Variants in SPIRE2 observed in about 807,000 individuals in gnomAD.
The protein encoded by SPIRE2 is spire type actin nucleation factor 2.
Under a neutral mutation model 80.7 loss-of-function variants are expected in SPIRE2, and 76 were observed. That is an observed-to-expected ratio of 0.94 (90% CI 0.78 to 1.14). The LOEUF is 1.14. Among genes scored for constraint, SPIRE2 ranks in the 50% most tolerant of loss-of-function variants. SPIRE2 has a pLI of 0.00. For synonymous variants in SPIRE2, 535 were observed against 432.6 expected, an observed-to-expected ratio of 1.24 and a Z score of -2.94; for missense variants, 1,196 against 1,015.3, an observed-to-expected ratio of 1.18 and a Z score of -2.42.
At chr16:89,842,611 G>A (rs558933791) in intron 1 of SPIRE2, among the ~76,000 whole-genome samples, 10 of 152,374 alleles carry the variant, frequency 6.6e-5, no homozygotes, top group Non-Finnish European at 1.0e-4. Flanking sequence ...AGCTTCCCAT[G>A]CACTGAGGAC....
intron 1 of SPIRE2, among the ~76,000 whole-genome samples, chr16:89,840,245 C>CTTTTTTTT (rs778083127): frequency 7.5e-6 from 1 of 133,272 alleles, no homozygotes. Context: ...AACCTGTCAT[C>CTTTTTTTT]TTTTTTTTTT....
chr16:89,863,384 T>C lies in SPIRE2; in HGVS notation c.1576-92T>C, dbSNP rs1224411932. ...TAGAAGGTCGCAGGCTTGTTTAGGCTGAGGCCAGGGAGGGTTAGGGTCCTC... is the reference window on the plus strand; with the variant it reads ...TAGAAGGTCGCAGGCTTGTTTAGGCCGAGGCCAGGGAGGGTTAGGGTCCTC... On this transcript the variant is annotated intron_variant, in intron 10 of 14. Transcript: ENST00000378247. This position sits in a 1 kb window ranked among gnomAD's most constrained non-coding sequence, Gnocchi z 4.3. 4 of 1,462,454 alleles carry C rather than the reference T, an allele frequency of 2.7e-6. No homozygotes were observed. Among genetic ancestry groups the C allele is most frequent in the East Asian group, 2.3e-5 (1 of 43,038 alleles). 90.6% of individuals were successfully genotyped at this position (1,462,454 alleles called of 1,614,324 possible).
In SPIRE2 at chr16:89,850,596, G is replaced by C. The variant is rs766837449; in HGVS notation, c.581G>C (p.Arg194Pro). Residue 194 changes from arginine to proline, a missense_variant, in exon 3 of 15, where the codon CGC becomes CCC. Coordinates refer to ENST00000378247, the MANE Select transcript of SPIRE2 (RefSeq NM_032451.2). ...GAQAHYQAVCRALFVETLELR... is the reference protein window; with the variant it reads ...GAQAHYQAVCPALFVETLELR... ...CAGGCGCATTACCAGGCCGTGTGCC[G>C]CGCGCTCTTCGTGGAGACGCTGGAG... 2 of 1,519,580 alleles carry C rather than the reference G, an allele frequency of 1.3e-6. No homozygotes were observed. The highest frequency in any genetic ancestry group is 2.5e-5 in the East Asian group (1 of 40,590). 94.1% of individuals were successfully genotyped at this position (1,519,580 alleles called of 1,614,324 possible). A position where few individuals can be genotyped will look rare whatever the true frequency, so the allele number is the denominator to read the frequency against.
rs1007709535 is a variant in SPIRE2, at chr16:89,870,499, A to G, written c.*227A>G. ...CTGTTTCTTCTCAGGATTCCTTGCC[A>G]GGGAGGAAGGGGAGGGAACAGGGTG... On this transcript the variant is annotated 3_prime_UTR_variant, in exon 15 of 15. Coordinates refer to ENST00000378247, the MANE Select transcript of SPIRE2 (RefSeq NM_032451.2). 4.1e-6 allele frequency: 2 copies of G among 485,862 alleles called. No homozygotes were observed. The highest frequency in any genetic ancestry group is 3.9e-5 in the African/African-American group (2 of 51,818). The allele number at this position is 485,862 out of a possible 1,614,324, so 30.1% of individuals were successfully genotyped here.
In SPIRE2 at chr16:89,856,153, G is replaced by T. The variant is rs762516892; in HGVS notation, c.1019G>T (p.Arg340Met). 1.9e-6 allele frequency: 3 copies of T among 1,611,626 alleles called. No individual in the cohort carries two copies. Among genetic ancestry groups the T allele is most frequent in the Non-Finnish European group, 2.5e-6 (3 of 1,179,558 alleles). ...RRLRPLPPKQ[R>M]SLHEKILEEI... ...CTGCGCCCGTTGCCACCAAAGCAAA[G>T]GTCCCTGCATGAGAAGATCCTGGAG... is the stretch of plus-strand genomic sequence containing the variant. Residue 340 changes from arginine to methionine, a missense_variant, in exon 7 of 15, where the codon AGG becomes ATG. Coordinates refer to ENST00000378247, the MANE Select transcript of SPIRE2 (RefSeq NM_032451.2).
intron 12 of SPIRE2, among the ~76,000 whole-genome samples, chr16:89,865,758 G>C (rs1351159794): frequency 6.6e-6 from 1 of 151,462 alleles, no homozygotes; most frequent in Non-Finnish European, 1.5e-5. Flanking sequence ...CACGAGGTCG[G>C]GAGATCGAGA....
At chr16:89,867,832 G>T (rs151067201) in intron 12 of SPIRE2, among the ~76,000 whole-genome samples, 1 of 152,052 alleles carries the variant, frequency 6.6e-6, no homozygotes, top group Non-Finnish European at 1.5e-5. Context: ...TGATCCACTT[G>T]CCTTGGCCTC....
chr16:89,854,730 A>G, intron 5 of SPIRE2, 79 bp downstream of exon 5: 1 of 1,525,514 alleles, frequency 6.6e-7, no homozygotes, highest in Non-Finnish European at 8.9e-7. Context: ...AGCAGCCTGG[A>G]TGTTGGGCAG....
At chr16:89,831,073 C>A (rs1366875121) in intron 1 of SPIRE2, among the ~76,000 whole-genome samples, 1 of 150,500 alleles carries the variant, frequency 6.6e-6, no homozygotes, top group Non-Finnish European at 1.5e-5. Context: ...CCACGCCCGG[C>A]TAATTTTTTG....
rs760321823 is a variant in SPIRE2, at chr16:89,868,263, G to C, written c.1806+47G>C. The C allele has an allele frequency of 3.8e-6, 6 of 1,591,774 alleles. No individual in the cohort carries two copies. The Admixed American group carries it at 6.8e-5, about 18-fold the overall frequency. On this transcript the variant is annotated intron_variant, in intron 13 of 14. Coordinates refer to ENST00000378247, the MANE Select transcript of SPIRE2 (RefSeq NM_032451.2). ...TGGGGTCTGAGCAAGGCAGATGAGGGGCTCCACTGGCTTTGATTGGATGTG... is the reference window on the plus strand; with the variant it reads ...TGGGGTCTGAGCAAGGCAGATGAGGCGCTCCACTGGCTTTGATTGGATGTG...
At chr16:89,860,875 G>T in intron 10 of SPIRE2, 80 bp downstream of exon 10, 4 of 916,310 alleles carry the variant, frequency 4.4e-6, no homozygotes, top group Middle Eastern at 2.8e-4. Context: ...GCCAGGTCTG[G>T]GAGATGGGTC....
chr16:89,838,818 CCT>C (rs1295893322), intron 1 of SPIRE2, among the ~76,000 whole-genome samples: 11 of 152,136 alleles, frequency 7.2e-5, no homozygotes, highest in Non-Finnish European at 1.3e-4. Context: ...CAGGGGCTCC[CCT>C]CTCTTTTCCT....
At chr16:89,836,546 G>T in intron 1 of SPIRE2, 1 of 229,642 alleles carries the variant, frequency 4.4e-6, no homozygotes, top group Non-Finnish European at 9.1e-6. Context: ...GTGGTATTAA[G>T]CAGACACCAA....
At chr16:89,840,449 C>T (rs1362068969) in intron 1 of SPIRE2, among the ~76,000 whole-genome samples, 1 of 150,624 alleles carries the variant, frequency 6.6e-6, no homozygotes, top group Non-Finnish European at 1.5e-5. Context: ...CGGGGTTTCA[C>T]CGTGTTAGCC....
intron 10 of SPIRE2, 67 bp downstream of exon 10, chr16:89,860,862 C>A: frequency 9.8e-7 from 1 of 1,022,734 alleles, no homozygotes. Context: ...CTTCCCGCCG[C>A]CAGCCAGGTC....
At chr16:89,832,445 G>A (rs2041395087) in intron 1 of SPIRE2, among the ~76,000 whole-genome samples, 1 of 152,208 alleles carries the variant, frequency 6.6e-6, no homozygotes, top group South Asian at 2.1e-4. Context: ...TGATTGGAAA[G>A]ATGAAATTCT....
At position 89,856,291 on chromosome 16, in the gene SPIRE2, C is replaced by G. The variant is rs1366638848; in HGVS notation, c.1102+55C>G. 2.6e-6 allele frequency: 4 copies of G among 1,526,970 alleles called. No homozygotes were observed. In the African/African-American group the frequency reaches 5.5e-5, roughly 21 times the overall value. 94.6% of individuals were successfully genotyped at this position (1,526,970 alleles called of 1,614,324 possible). A position where few individuals can be genotyped will look rare whatever the true frequency, so the allele number is the denominator to read the frequency against. On this transcript the variant is annotated intron_variant, in intron 7 of 14. Transcript: ENST00000378247. ...CCCTGAGCCCCCGGCTGGGGTTCCC[C>G]CATTCCCCTGGTCAGGTTGCACATT...
At chr16:89,848,088 C>A (rs1052188491) in intron 2 of SPIRE2, among the ~76,000 whole-genome samples, 2 of 152,190 alleles carry the variant, frequency 1.3e-5, no homozygotes, top group Admixed American at 1.3e-4. Flanking sequence ...TTTCCCGCTA[C>A]GCTGTCCTTC....
At chr16:89,833,046 A>G (rs572538902) in intron 1 of SPIRE2, among the ~76,000 whole-genome samples, 2 of 148,162 alleles carry the variant, frequency 1.3e-5, no homozygotes, top group East Asian at 2.0e-4. Context: ...GCTGGAGTGC[A>G]ATGCCGTGAT....
Sources: allele counts gnomAD v4.1 joint callset (sites outside exome capture counted in the v4.1 genomes callset), GRCh38; gene constraint gnomAD v4.1.1; non-coding constraint Gnocchi (gnomAD v3.1); transcripts MANE v1.5; gene names NCBI Gene and HGNC (gene_info 2026-07-23, HGNC 2026-07-21).